USP43: variants seen among roughly 807,000 people sequenced by gnomAD.
The protein encoded by USP43 is ubiquitin carboxyl-terminal hydrolase 43.
Under a neutral mutation model 90.7 loss-of-function variants are expected in USP43, and 33 were observed. The observed-to-expected ratio is 0.36, with a 90% CI of 0.28 to 0.49. USP43 has a LOEUF of 0.49. Among genes scored for constraint, USP43 ranks in the 20% least tolerant of loss-of-function variants. The pLI, the probability that USP43 is intolerant of heterozygous loss-of-function variation, is 0.98. For synonymous variants in USP43, 598 were observed against 615.8 expected, an observed-to-expected ratio of 0.97 and a Z score of 0.43; for missense variants, 1,274 against 1,476.4, an observed-to-expected ratio of 0.86 and a Z score of 2.25.
chr17:9,710,500 C>CTTTTTTTTTTT (rs753636549), intron 13 of USP43, among the ~76,000 whole-genome samples: 4 of 86,040 alleles, frequency 4.6e-5, no homozygotes, highest in Non-Finnish European at 6.2e-5. Flanking sequence ...GGAAAGGTAG[C>CTTTTTTTTTTT]TTTTTTTTTT....
chr17:9,725,114 C>T (rs996181296), intron 14 of USP43, among the ~76,000 whole-genome samples: 7 of 152,188 alleles, frequency 4.6e-5, no homozygotes, highest in Non-Finnish European at 1.0e-4. Flanking sequence ...GGCTCCAGAG[C>T]TGCGGTGTGG....
intron 4 of USP43, among the ~76,000 whole-genome samples, chr17:9,676,513 G>C (rs1321405058): frequency 6.6e-6 from 1 of 152,092 alleles, no homozygotes; most frequent in Non-Finnish European, 1.5e-5. Context: ...GGGATTACAG[G>C]CATCCGCCAC....
chr17:9,653,357 GC>G (rs200251705), intron 1 of USP43, among the ~76,000 whole-genome samples: 17,102 of 152,186 alleles, frequency 0.11, 1,106 homozygotes, highest in East Asian at 0.31. Flanking sequence ...GGAGGCCGAG[GC>G]GGGTGGATCA....
At chr17:9,692,820 G>A (rs1275841845) in intron 8 of USP43, among the ~76,000 whole-genome samples, 5 of 152,126 alleles carry the variant, frequency 3.3e-5, no homozygotes, top group Non-Finnish European at 7.4e-5. Flanking sequence ...ATTGATTTAT[G>A]TTCCATTACA....
In USP43 at chr17:9,674,290, A is replaced by G. The variant is rs1450565246; in HGVS notation, c.741-601A>G. 6.6e-6 allele frequency among the ~76,000 whole-genome samples: 1 copy of G among 152,196 alleles called. No homozygotes were observed. The highest frequency in any genetic ancestry group is 1.5e-5 in the Non-Finnish European group (1 of 68,034). ...AAAAAACGGAGGTGAAAGTCCTGTA[A>G]CATAAAGTTAAGCATTCTAAAGCGT... On this transcript the variant is annotated intron_variant, in intron 3 of 14. Transcript: ENST00000285199. This position sits in a 1 kb window ranked among gnomAD's most constrained non-coding sequence, Gnocchi z 4.4.
chr17:9,694,051 C>T (rs552167451), intron 9 of USP43, among the ~76,000 whole-genome samples: 2 of 152,294 alleles, frequency 1.3e-5, no homozygotes, highest in East Asian at 3.9e-4. Context: ...TGCGTGTGCC[C>T]TTGCAAAGCA....
intron 3 of USP43, among the ~76,000 whole-genome samples, chr17:9,672,741 G>A (rs1444017047): frequency 6.6e-6 from 1 of 152,186 alleles, no homozygotes; most frequent in Non-Finnish European, 1.5e-5. Flanking sequence ...AAAGGGAAAT[G>A]ACCTGAGGCA....
chr17:9,717,666 T>G (rs1341173693), intron 14 of USP43, among the ~76,000 whole-genome samples: 1 of 151,806 alleles, frequency 6.6e-6, no homozygotes, highest in Admixed American at 6.6e-5. Context: ...ACGGTCTCAG[T>G]GTGAGTGCGA....
At position 9,686,671 on chromosome 17, in the gene USP43, G is replaced by C. The variant is rs1169678125; in HGVS notation, c.1242-127G>C. 4 of 724,598 alleles carry C rather than the reference G, an allele frequency of 5.5e-6. No individual in the cohort carries two copies. Among genetic ancestry groups the C allele is most frequent in the Non-Finnish European group, 9.0e-6 (4 of 444,424 alleles). The allele number at this position is 724,598 out of a possible 1,614,324, so 44.9% of individuals were successfully genotyped here. A position where few individuals can be genotyped will look rare whatever the true frequency, so the allele number is the denominator to read the frequency against. On this transcript the variant is annotated intron_variant, in intron 7 of 14. Coordinates refer to ENST00000285199, the MANE Select transcript of USP43 (RefSeq NM_153210.5). The surrounding 1 kb of genome is among the most constrained non-coding windows in gnomAD (Gnocchi z 5.5). ...ATTCTTTGGTTTTTTTTGCTGTTGA[G>C]TTTTTGTGCTTAGCTCTTGTCACTT... is the stretch of plus-strand genomic sequence containing the variant.
At chr17:9,667,656 A>C (rs1419675907) in intron 3 of USP43, among the ~76,000 whole-genome samples, 1 of 152,180 alleles carries the variant, frequency 6.6e-6, no homozygotes, top group Non-Finnish European at 1.5e-5. Context: ...ATGGGTAGGA[A>C]GATAGTCAAC....
chr17:9,672,430 T>C (rs1567655500), intron 3 of USP43, among the ~76,000 whole-genome samples: 1 of 152,192 alleles, frequency 6.6e-6, no homozygotes, highest in Non-Finnish European at 1.5e-5. Flanking sequence ...TATGTCGCAA[T>C]GCTTCAAGAA....
intron 14 of USP43, among the ~76,000 whole-genome samples, chr17:9,715,400 C>T (rs1916443817): frequency 6.6e-6 from 1 of 152,172 alleles, no homozygotes; most frequent in Admixed American, 6.5e-5. Flanking sequence ...CTGCAGTGAG[C>T]TGTGAGCACA....
At chr17:9,719,507 G>A (rs2151999998) in intron 14 of USP43, among the ~76,000 whole-genome samples, 1 of 152,280 alleles carries the variant, frequency 6.6e-6, no homozygotes, top group Middle Eastern at 3.4e-3. Context: ...CTACCAAGGG[G>A]ATATCTGAGA....
chr17:9,707,736 T>C (rs1225849646), intron 12 of USP43, among the ~76,000 whole-genome samples: 1 of 152,074 alleles, frequency 6.6e-6, no homozygotes, highest in Non-Finnish European at 1.5e-5. Context: ...CCCGATGGGC[T>C]GATGACTGGC....
intron 4 of USP43, among the ~76,000 whole-genome samples, chr17:9,676,079 T>C (rs1204120126): frequency 1.3e-5 from 2 of 152,206 alleles, no homozygotes; most frequent in African/African-American, 4.8e-5. Context: ...AGACTCTCAT[T>C]AAGGAGAATG....
At chr17:9,666,931 G>A (rs1913068952) in intron 3 of USP43, among the ~76,000 whole-genome samples, 180 bp downstream of exon 3, 4 of 152,058 alleles carry the variant, frequency 2.6e-5, no homozygotes, top group Admixed American at 1.3e-4. Flanking sequence ...CTGACCTTTG[G>A]TATTTCTTCT....
At position 9,645,738 on chromosome 17, in the gene USP43, G is replaced by T; in HGVS notation, c.106G>T (p.Gly36Cys). 2 of 1,378,436 alleles carry T rather than the reference G, an allele frequency of 1.5e-6. No homozygotes were observed. Among genetic ancestry groups the T allele is most frequent in the South Asian group, 1.7e-5 (1 of 59,672 alleles). 85.4% of individuals were successfully genotyped at this position (1,378,436 alleles called of 1,614,324 possible). The change falls in exon 1 of 15, where the codon GGC becomes TGC. Residue 36 changes from glycine to cysteine, a missense_variant. This residue lies in a region of USP43 where 112 missense variants were observed against 106.6 expected (regional missense o/e 1.05). Transcript: ENST00000285199. This position sits in a 1 kb window ranked among gnomAD's most constrained non-coding sequence, Gnocchi z 6.8. Reference protein sequence around the residue: ...RLFSRFLLALGSRSRPGDSPP... With the variant: ...RLFSRFLLALCSRSRPGDSPP... ...GTTCAGCCGCTTCCTGCTGGCGCTG[G>T]GCAGCCGCTCACGCCCCGGGGACTC...
intron 4 of USP43, 101 bp downstream of exon 4, chr17:9,675,084 C>A: frequency 9.9e-7 from 1 of 1,007,786 alleles, no homozygotes; most frequent in Non-Finnish European, 1.6e-6. Context: ...TCCTTTGCTT[C>A]TCAGCCAGCA....
rs1911302658 is a variant in USP43 at position 9,645,520 on chromosome 17, C to G, written c.-113C>G. On this transcript the variant is annotated 5_prime_UTR_variant, in exon 1 of 15. Transcript: ENST00000285199. This position sits in a 1 kb window ranked among gnomAD's most constrained non-coding sequence, Gnocchi z 6.8. Reference sequence around the variant, plus strand: ...TCCGCCTCCGCCCCGTCCCCGCACACCTGGCCCGCAGGTAGCCGGCACCAG... The same window carrying G: ...TCCGCCTCCGCCCCGTCCCCGCACAGCTGGCCCGCAGGTAGCCGGCACCAG... 9.7e-7 allele frequency: 1 copy of G among 1,034,618 alleles called. No individual in the cohort carries two copies. Among genetic ancestry groups the G allele is most frequent in the African/African-American group, 1.7e-5 (1 of 58,958 alleles). The allele number at this position is 1,034,618 out of a possible 1,614,324, so 64.1% of individuals were successfully genotyped here. A position where few individuals can be genotyped will look rare whatever the true frequency, so the allele number is the denominator to read the frequency against.
Sources: gnomAD v4.1 joint callset for allele counts (sites outside exome capture counted in the v4.1 genomes callset) on GRCh38, gnomAD v4.1.1 for gene constraint, gnomAD v4.1.1 regional missense constraint, Gnocchi (gnomAD v3.1) non-coding constraint, MANE v1.5 for transcripts, NCBI Gene and HGNC (gene_info 2026-07-23, HGNC 2026-07-21) for gene names.